The following SPATA6L variants were observed in gnomAD, a reference collection of about 807,000 sequenced individuals.
The protein encoded by SPATA6L is spermatogenesis associated 6-like protein.
A neutral mutation model predicts 49.2 loss-of-function variants in SPATA6L; 68 were observed. The ratio of observed to expected loss-of-function variants is 1.38; its 90% CI spans 1.14 to 1.69. SPATA6L has a LOEUF of 1.69. Ranked by LOEUF, SPATA6L falls within the 40% of genes most tolerant of loss-of-function variation. SPATA6L has a pLI of 0.00. For missense variants in SPATA6L, 668 were observed against 464.3 expected (o/e 1.44, Z -4.03); for synonymous variants, 198 against 165.7 (o/e 1.19, Z -1.50).
chr9:4,626,562 G>A, intron 5 of SPATA6L: 1 of 1,302,900 alleles, frequency 7.7e-7, no homozygotes, highest in Non-Finnish European at 1.0e-6. Context: ...AGCCCTAGGG[G>A]TGGAAGCTGC....
chr9:4,641,533 C>G (rs895515334), intron 3 of SPATA6L, among the ~76,000 whole-genome samples: 4 of 152,088 alleles, frequency 2.6e-5, no homozygotes, highest in Non-Finnish European at 4.4e-5. Context: ...AGTTGTTATG[C>G]TGTATTGTTA....
intron 3 of SPATA6L, among the ~76,000 whole-genome samples, chr9:4,640,230 C>T (rs901765207): frequency 1.3e-5 from 2 of 152,168 alleles, no homozygotes; most frequent in Non-Finnish European, 2.9e-5. Flanking sequence ...CGCTGCCCCC[C>T]TGTGTCCATT....
At chr9:4,613,236 A>AAAAAG (rs1554710287) in intron 9 of SPATA6L, among the ~76,000 whole-genome samples, 29 of 151,738 alleles carry the variant, frequency 1.9e-4, no homozygotes, top group African/African-American at 5.6e-4. Flanking sequence ...TCAAAAAAAA[A>AAAAAG]AAAGAAAGAA....
intron 6 of SPATA6L, among the ~76,000 whole-genome samples, chr9:4,624,503 G>A (rs1229192390): frequency 6.6e-6 from 1 of 152,120 alleles, no homozygotes; most frequent in African/African-American, 2.4e-5. Context: ...TGATGTGGGT[G>A]GATCATCTGA....
chr9:4,602,733 G>A (rs977410438), intron 11 of SPATA6L, among the ~76,000 whole-genome samples: 2 of 152,198 alleles, frequency 1.3e-5, no homozygotes, highest in African/African-American at 2.4e-5. Context: ...GGATTTCCAT[G>A]TAAGATTACA....
chr9:4,629,794 T>TATATATATATATATAC (rs1448249817), intron 4 of SPATA6L, among the ~76,000 whole-genome samples: 5 of 146,388 alleles, frequency 3.4e-5, no homozygotes, highest in African/African-American at 1.3e-4. Flanking sequence ...TATATATATA[T>TATATATATATATATAC]ATATGCCCTA....
At chr9:4,614,257 G>T (rs1827456006) in intron 9 of SPATA6L, among the ~76,000 whole-genome samples, 1 of 152,130 alleles carries the variant, frequency 6.6e-6, no homozygotes, top group Non-Finnish European at 1.5e-5. Flanking sequence ...TACTCCCATT[G>T]TTCACTCTTA....
At position 4,619,978 on chromosome 9, in the gene SPATA6L, G is replaced by C. The variant is rs951133513; in HGVS notation, c.773-1080C>G. Among the ~76,000 whole-genome samples, 3 of 152,124 alleles carry C rather than the reference G, an allele frequency of 2.0e-5. No homozygotes were observed. In the South Asian group the frequency reaches 6.2e-4, roughly 32 times the overall value. On this transcript the variant is annotated intron_variant, in intron 7 of 11. Coordinates refer to ENST00000682582, the MANE Select transcript of SPATA6L (RefSeq NM_001353486.2). ...TTCCCCCAGTGTGACCAGGGCTCAGGCAATGACAAGGGACTTTTTCTGGAC... is the reference window on the plus strand; with the variant it reads ...TTCCCCCAGTGTGACCAGGGCTCAGCCAATGACAAGGGACTTTTTCTGGAC...
At chr9:4,606,084 A>C (rs143695013) in intron 9 of SPATA6L, among the ~76,000 whole-genome samples, 6 of 152,068 alleles carry the variant, frequency 3.9e-5, no homozygotes, top group Non-Finnish European at 8.8e-5. Flanking sequence ...ACTCCCACCC[A>C]AATACTGCGC....
chr9:4,646,406 G>T (rs1835381660), intron 3 of SPATA6L: 4 of 897,054 alleles, frequency 4.5e-6, no homozygotes, highest in Non-Finnish European at 6.6e-6. Flanking sequence ...CAACTCTTAA[G>T]TACAGTCCCC....
At chr9:4,644,679 TCTCTCTCACA>T (rs1350667305) in intron 3 of SPATA6L, among the ~76,000 whole-genome samples, 81 of 132,166 alleles carry the variant, frequency 6.1e-4, no homozygotes, top group African/African-American at 2.4e-3. Flanking sequence ...TCTCTCTCTC[TCTCTCTCACA>T]CACACACACA....
At chr9:4,663,587 ATTTGTGT>A (rs1840373750) in intron 1 of SPATA6L, 2 of 286,406 alleles carry the variant, frequency 7.0e-6, no homozygotes, top group African/African-American at 4.4e-5. Context: ...TATCAGTAAG[ATTTGTGT>A]TTTGTGATAA....
At chr9:4,626,686 G>A in intron 5 of SPATA6L, 1 of 784,864 alleles carries the variant, frequency 1.3e-6, no homozygotes, top group African/African-American at 1.8e-5. Flanking sequence ...CACAAGTTTG[G>A]TGTGGTTTCC....
At position 4,662,937 on chromosome 9, in the gene SPATA6L, C is replaced by T. The variant is rs531165522; in HGVS notation, c.40-901G>A. 2.5e-6 allele frequency: 4 copies of T among 1,611,282 alleles called. No individual in the cohort carries two copies. In the Admixed American group the frequency reaches 5.0e-5, roughly 20 times the overall value. On this transcript the variant is annotated intron_variant, in intron 1 of 11. Coordinates refer to ENST00000682582, the MANE Select transcript of SPATA6L (RefSeq NM_001353486.2). The surrounding 1 kb of genome is among the most constrained non-coding windows in gnomAD (Gnocchi z 4.9). ...GGTGGCCTTGATCAAAGGGCTGGTC[C>T]GCAGGCGCCGCCCGGCCCACAACCA... is the stretch of plus-strand genomic sequence containing the variant.
chr9:4,622,555 C>A, intron 6 of SPATA6L, 45 bp from the exon 7 acceptor site: 1 of 1,299,984 alleles, frequency 7.7e-7, no homozygotes, highest in East Asian at 2.3e-5. Flanking sequence ...ACTATAGCTT[C>A]TAGTACCCTC....
intron 9 of SPATA6L, among the ~76,000 whole-genome samples, chr9:4,608,455 AC>A (rs1349916751): frequency 9.6e-6 from 1 of 104,084 alleles, no homozygotes; most frequent in Non-Finnish European, 1.8e-5. Flanking sequence ...CTCTCAGACC[AC>A]AGTGCAATCA....
downstream of SPATA6L, among the ~76,000 whole-genome samples, chr9:4,596,960 G>C (rs778985595): frequency 6.6e-6 from 1 of 152,080 alleles, no homozygotes; most frequent in Non-Finnish European, 1.5e-5. Context: ...ATGAGAATAA[G>C]AATAGCTAAT....
At chr9:4,635,477 A>G in intron 3 of SPATA6L, 78 bp from the exon 4 acceptor site, 3 of 1,370,312 alleles carry the variant, frequency 2.2e-6, no homozygotes, top group Non-Finnish European at 2.9e-6. Context: ...CAGGCAGATG[A>G]TGGCAGAGAT....
At chr9:4,654,474 G>A (rs144892026) in intron 3 of SPATA6L, among the ~76,000 whole-genome samples, 3 of 152,262 alleles carry the variant, frequency 2.0e-5, no homozygotes, top group Non-Finnish European at 2.9e-5. Context: ...ACAGTTTGCC[G>A]TCTATAGGTG....
Sources: gnomAD v4.1 joint callset for allele counts (sites outside exome capture counted in the v4.1 genomes callset) on GRCh38, gnomAD v4.1.1 for gene constraint, Gnocchi (gnomAD v3.1) non-coding constraint, MANE v1.5 for transcripts, NCBI Gene and HGNC (gene_info 2026-07-23, HGNC 2026-07-21) for gene names.